SLC4A9: variants seen among roughly 807,000 people sequenced by gnomAD.
SLC4A9 encodes the protein solute carrier family 4 member 9.
In SLC4A9, 102 loss-of-function variants were observed where a neutral mutation model predicts 103.2. That is an observed-to-expected ratio of 0.99 (90% CI 0.84 to 1.17). The LOEUF (loss-of-function observed/expected upper bound fraction) is 1.17. Among genes scored for constraint, SLC4A9 ranks in the 50% most tolerant of loss-of-function variants. The probability of loss-of-function intolerance (pLI) is 0.00; values close to 1 mark genes in which losing one functional copy is unlikely to be tolerated. For synonymous variants in SLC4A9, 453 were observed against 483.6 expected (o/e 0.94, Z 0.83); for missense variants, 1,091 against 1,193.7 (o/e 0.91, Z 1.27).
In SLC4A9 at chr5:140,366,235, C is replaced by T. The variant is rs1399738843; in HGVS notation, c.1984C>T (p.Pro662Ser). The T allele has an allele frequency of 6.2e-7, 1 of 1,601,440 alleles. No individual in the cohort carries two copies. The highest frequency in any genetic ancestry group is 1.7e-5 in the Admixed American group (1 of 57,400). Residue 662 changes from proline (P) to serine (S), a missense_variant, in exon 14 of 22, where the codon CCA becomes TCA. Pro to Ser is a moderately conservative substitution (Grantham distance 74). Coordinates refer to ENST00000506757, the MANE Select transcript of SLC4A9 (RefSeq NM_031467.3). ...GLDAFLGLAT[P>S]KLMVPREFKP... ...TGATGCTTTCCTGGGCCTAGCCACA[C>T]CAAAGCTCATGGTACCCAGAGAGTT... is the stretch of plus-strand genomic sequence containing the variant.
At chr5:140,368,740 T>G in intron 17 of SLC4A9, 81 bp downstream of exon 17, 2 of 1,212,236 alleles carry the variant, frequency 1.6e-6, no homozygotes, top group Admixed American at 2.0e-5. Flanking sequence ...AGTTGAATAC[T>G]TACAGTGTGC....
chr5:140,362,217 A>G, intron 5 of SLC4A9, 43 bp downstream of exon 5: 1 of 1,481,708 alleles, frequency 6.7e-7, no homozygotes, highest in Non-Finnish European at 9.0e-7. Flanking sequence ...CCCAGAACCT[A>G]GAAGGGTCTT....
rs1769288298 is a variant in SLC4A9, at chr5:140,375,019, C to T, written c.*238C>T. ...AGGTCCTGAGCCACGAAGCGCTTCC[C>T]ATTTTGAACTTTCTGTCCTCACAGA... is the stretch of plus-strand genomic sequence containing the variant. On this transcript the variant is annotated 3_prime_UTR_variant, in exon 22 of 22. Coordinates refer to ENST00000506757, the MANE Select transcript of SLC4A9 (RefSeq NM_031467.3). The T allele has an allele frequency of 6.6e-6, 1 of 152,148 alleles. No individual in the cohort carries two copies. Among genetic ancestry groups the T allele is most frequent in the Admixed American group, 6.6e-5 (1 of 15,264 alleles). 9.4% of individuals were successfully genotyped at this position (152,148 alleles called of 1,614,324 possible).
In SLC4A9 at chr5:140,363,036, C is replaced by T. The variant is rs771910721; in HGVS notation, c.932C>T (p.Pro311Leu). The part of the protein sequence containing the change: ...GRWDPTARIP[P>L]PKCLPSQHKR... Reference sequence around the variant, plus strand: ...TGGGACCCAACAGCCCGGATTCCCCCGCCCAAATGTCTGCCATCTCAGCAC... The same window carrying T: ...TGGGACCCAACAGCCCGGATTCCCCTGCCCAAATGTCTGCCATCTCAGCAC... The change falls in exon 7 of 22, where the codon CCG becomes CTG. Residue 311 changes from proline to leucine, a missense_variant. Pro to Leu is a moderately conservative substitution (Grantham distance 98). Coordinates refer to ENST00000506757, the MANE Select transcript of SLC4A9 (RefSeq NM_031467.3). This position sits in a 1 kb window ranked among gnomAD's most constrained non-coding sequence, Gnocchi z 4.5. The T allele has an allele frequency of 5.0e-6, 8 of 1,613,216 alleles. No individual in the cohort carries two copies. The highest frequency in any genetic ancestry group is 3.3e-5 in the South Asian group (3 of 91,026).
Position 140,372,363 on chromosome 5 carries a change from C to G in SLC4A9, c.2792C>G (p.Pro931Arg), listed in dbSNP as rs752889293. Reference protein sequence around the residue: ...ERSIPEKGLEPEHSFSGSDSE... With the variant: ...ERSIPEKGLEREHSFSGSDSE... ...AGCATCCCTGAGAAGGGGCTGGAGC[C>G]AGAACACTCATTCAGTGGAAGTGAC... The change falls in exon 20 of 22, where the codon CCA becomes CGA. Residue 931 changes from proline (P) to arginine (R), a missense_variant. By Grantham distance (103) the Pro-to-Arg change is moderately radical. Coordinates refer to ENST00000506757, the MANE Select transcript of SLC4A9 (RefSeq NM_031467.3). 9 of 1,610,170 alleles carry G rather than the reference C, an allele frequency of 5.6e-6. No individual in the cohort carries two copies. The South Asian group carries it at 9.9e-5, about 18-fold the overall frequency.
chr5:140,371,120 G>A lies in SLC4A9; in HGVS notation c.2453G>A (p.Gly818Asp). 4 of 1,612,116 alleles carry A rather than the reference G, an allele frequency of 2.5e-6. No homozygotes were observed. Among genetic ancestry groups the A allele is most frequent in the Non-Finnish European group, 3.4e-6 (4 of 1,179,136 alleles). The change falls in exon 18 of 22, where the codon GGC becomes GAC. Residue 818 changes from glycine to aspartate, a missense_variant. By Grantham distance (94) the Gly-to-Asp change is moderately conservative. Coordinates refer to ENST00000506757, the MANE Select transcript of SLC4A9 (RefSeq NM_031467.3). ...TTCATTCCAATGCCTGTGCTCTATGGCATCTTCCTGTATATGGGGGTGGCA... is the reference window on the plus strand; with the variant it reads ...TTCATTCCAATGCCTGTGCTCTATGACATCTTCCTGTATATGGGGGTGGCA... ...LKFIPMPVLY[G>D]IFLYMGVAAL...
chr5:140,362,422 C>G (rs763181702), intron 5 of SLC4A9, 23 bp from the exon 6 acceptor site: 1 of 1,610,638 alleles, frequency 6.2e-7, no homozygotes, highest in East Asian at 2.2e-5. Flanking sequence ...CTGTGAATCT[C>G]TGGGGCCTGG....
rs573851886 is a variant in SLC4A9, at chr5:140,361,533, G to C, written c.505+166G>C. ...GTAATGTTGTGGGGAGAAGATTCAG[G>C]GGGCTAGAATCGTAAGAGAGTTCTG... On this transcript the variant is annotated intron_variant, in intron 3 of 21. Coordinates refer to ENST00000506757, the MANE Select transcript of SLC4A9 (RefSeq NM_031467.3). Among the ~76,000 whole-genome samples the C allele has an allele frequency of 2.0e-5, 3 of 152,198 alleles. No homozygotes were observed. In the South Asian group the frequency reaches 6.2e-4, roughly 31 times the overall value.
At position 140,367,713 on chromosome 5, in the gene SLC4A9, C is replaced by T. The variant is rs372996585; in HGVS notation, c.2176-7C>T. 3 of 1,613,686 alleles carry T rather than the reference C, an allele frequency of 1.9e-6. No individual in the cohort carries two copies. The African/African-American group carries it at 4.0e-5, about 22-fold the overall frequency. On this transcript the variant is annotated splice_region_variant and splice_polypyrimidine_tract_variant and intron_variant, in intron 15 of 21. Coordinates refer to ENST00000506757, the MANE Select transcript of SLC4A9 (RefSeq NM_031467.3). ...TTCATCCTCATTGCCCCCACCACTACCTGCAGAAGGGAGCTGGCTTCCACC... is the reference window on the plus strand; with the variant it reads ...TTCATCCTCATTGCCCCCACCACTATCTGCAGAAGGGAGCTGGCTTCCACC...
chr5:140,372,849 G>A lies in SLC4A9; in HGVS notation c.*45+6G>A. The A allele has an allele frequency of 6.8e-7, 1 of 1,476,464 alleles. No homozygotes were observed. Among genetic ancestry groups the A allele is most frequent in the South Asian group, 1.3e-5 (1 of 76,512 alleles). The allele number at this position is 1,476,464 out of a possible 1,614,324, so 91.5% of individuals were successfully genotyped here. A position where few individuals can be genotyped will look rare whatever the true frequency, so the allele number is the denominator to read the frequency against. ...ACCCCAGGAAACAGCATGAGGTGAG[G>A]GTGTGAGGGAAGTGCTCCTGATGTT... On this transcript the variant is annotated splice_donor_region_variant and intron_variant, in intron 21 of 21. Transcript: ENST00000506757.
In SLC4A9 at chr5:140,363,145, T is replaced by G. The variant is rs2126751287; in HGVS notation, c.962+79T>G. ...TAATTCCATTGTTGAGGAGGGGTGG[T>G]GTCCCAGGAAAGAGATAGGGACCTA... On this transcript the variant is annotated intron_variant, in intron 7 of 21. Transcript: ENST00000506757. The surrounding 1 kb of genome is among the most constrained non-coding windows in gnomAD (Gnocchi z 4.5). 2.6e-6 allele frequency: 4 copies of G among 1,541,480 alleles called. No individual in the cohort carries two copies. Among genetic ancestry groups the G allele is most frequent in the Non-Finnish European group, 3.5e-6 (4 of 1,146,150 alleles).
At chr5:140,369,767 C>T (rs915399266) in intron 17 of SLC4A9, among the ~76,000 whole-genome samples, 9 of 151,370 alleles carry the variant, frequency 5.9e-5, no homozygotes, top group East Asian at 3.9e-4. Context: ...TTTGGGAGGC[C>T]GAGGTGGGCG....
chr5:140,367,623 C>G (rs1171569957), intron 15 of SLC4A9, 42 bp downstream of exon 15: 2 of 1,599,102 alleles, frequency 1.3e-6, no homozygotes, highest in Non-Finnish European at 1.7e-6. Flanking sequence ...GGGACAGAAG[C>G]TCCAGGGGAG....
chr5:140,360,692 C>T (rs763979797), intron 1 of SLC4A9, 120 bp from the exon 2 acceptor site: 7 of 1,502,426 alleles, frequency 4.7e-6, no homozygotes, highest in Non-Finnish European at 6.3e-6. Context: ...GGGGGGGAGA[C>T]TTCACACCAC....
chr5:140,362,895 T>C lies in SLC4A9; in HGVS notation c.808-17T>C. 3 of 1,614,038 alleles carry C rather than the reference T, an allele frequency of 1.9e-6. No individual in the cohort carries two copies. The highest frequency in any genetic ancestry group is 2.5e-6 in the Non-Finnish European group (3 of 1,179,886). On this transcript the variant is annotated splice_polypyrimidine_tract_variant and intron_variant, in intron 6 of 21. Transcript: ENST00000506757. ...CCAGGTTTGCACTTACCACCCATTC[T>C]GTGCCCCCATTCCCAGCAATTCCAG... is the stretch of plus-strand genomic sequence containing the variant.
chr5:140,364,479 T>C lies in SLC4A9; in HGVS notation c.1505T>C (p.Phe502Ser). Reference protein sequence around the residue: ...ASVLVRYFTRFTEEGFCALIS... With the variant: ...ASVLVRYFTRSTEEGFCALIS... ...GTGCTGGTGCGCTACTTCACCCGCT[T>C]CACTGAGGAAGGTTTCTGTGCCCTC... The change falls in exon 11 of 22, where the codon TTC (phenylalanine) becomes TCC (serine). Residue 502 changes from phenylalanine (F) to serine (S), a missense_variant. Transcript: ENST00000506757. 4 of 1,612,948 alleles carry C rather than the reference T, an allele frequency of 2.5e-6. No homozygotes were observed. The highest frequency in any genetic ancestry group is 3.4e-6 in the Non-Finnish European group (4 of 1,179,392).
At position 140,361,182 on chromosome 5, in the gene SLC4A9, G is replaced by A. The variant is rs1013813384; in HGVS notation, c.392-72G>A. On this transcript the variant is annotated intron_variant, in intron 2 of 21. Coordinates refer to ENST00000506757, the MANE Select transcript of SLC4A9 (RefSeq NM_031467.3). ...ACTCCCAGAAGGGAAAGGTGTCTGGGCAGAGGGAGAAGGGGAAGAGTGTGC... is the reference window on the plus strand; with the variant it reads ...ACTCCCAGAAGGGAAAGGTGTCTGGACAGAGGGAGAAGGGGAAGAGTGTGC... 6.5e-6 allele frequency: 9 copies of A among 1,393,530 alleles called. No homozygotes were observed. In the Admixed American group the frequency reaches 1.8e-4, roughly 28 times the overall value. 86.3% of individuals were successfully genotyped at this position (1,393,530 alleles called of 1,614,324 possible).
intron 20 of SLC4A9, 55 bp from the exon 21 acceptor site, chr5:140,372,690 T>C: frequency 6.7e-7 from 1 of 1,483,032 alleles, no homozygotes; most frequent in Non-Finnish European, 9.0e-7. Flanking sequence ...ATGTTGTCTT[T>C]CACTATCTGT....
At chr5:140,366,764 G>A (rs1040580915) in intron 14 of SLC4A9, among the ~76,000 whole-genome samples, 4 of 152,070 alleles carry the variant, frequency 2.6e-5, no homozygotes, top group African/African-American at 4.8e-5. Flanking sequence ...CACCCTTGGC[G>A]TGGCCCTGCC....
Sources: allele counts gnomAD v4.1 joint callset (sites outside exome capture counted in the v4.1 genomes callset), GRCh38; gene constraint gnomAD v4.1.1; non-coding constraint Gnocchi (gnomAD v3.1); transcripts MANE v1.5; gene names NCBI Gene and HGNC (gene_info 2026-07-23, HGNC 2026-07-21).